Variants in ADCY2 observed in about 807,000 individuals in gnomAD.
ADCY2 encodes the protein adenylate cyclase type 2.
Under a neutral mutation model 125.2 loss-of-function variants are expected in ADCY2, and 31 were observed. That is an observed-to-expected ratio of 0.25 (90% CI 0.19 to 0.33). The LOEUF (loss-of-function observed/expected upper bound fraction) is 0.33. ADCY2 is among the 10% of genes least tolerant of loss of function. ADCY2 has a pLI of 1.00. For synonymous variants in ADCY2, 512 were observed against 548.4 expected (o/e 0.93, Z 0.93); for missense variants, 904 against 1,418.2 (o/e 0.64, Z 5.82).
chr5:7,639,404 C>T (rs1738617931), intron 4 of ADCY2, among the ~76,000 whole-genome samples: 1 of 152,186 alleles, frequency 6.6e-6, no homozygotes, highest in Admixed American at 6.5e-5. Context: ...AGGCTTAGGA[C>T]ACCTGTTGCT....
intron 4 of ADCY2, among the ~76,000 whole-genome samples, chr5:7,626,850 G>A (rs140913599): frequency 6.6e-6 from 1 of 152,206 alleles, no homozygotes; most frequent in Non-Finnish European, 1.5e-5. Flanking sequence ...ATTTCAACAT[G>A]AGATTTGGAG....
chr5:7,586,466 A>C (rs538802373), intron 3 of ADCY2, among the ~76,000 whole-genome samples: 10 of 152,276 alleles, frequency 6.6e-5, no homozygotes, highest in East Asian at 1.9e-4. Flanking sequence ...GTGCAGGCCT[A>C]TGTCGACACC....
At chr5:7,534,614 A>G (rs1291276054) in intron 3 of ADCY2, among the ~76,000 whole-genome samples, 1 of 152,224 alleles carries the variant, frequency 6.6e-6, no homozygotes, top group African/African-American at 2.4e-5. Flanking sequence ...GTAGAAGTTT[A>G]GCAGGTTTGA....
chr5:7,554,894 G>A (rs1182879932), intron 3 of ADCY2, among the ~76,000 whole-genome samples: 1 of 152,118 alleles, frequency 6.6e-6, no homozygotes, highest in African/African-American at 2.4e-5. Context: ...GTGAAGGAAC[G>A]GGAACTATGC....
chr5:7,397,037 C>T (rs1739077422), intron 1 of ADCY2, among the ~76,000 whole-genome samples: 1 of 152,218 alleles, frequency 6.6e-6, no homozygotes, highest in Non-Finnish European at 1.5e-5. Context: ...AAGTATACAT[C>T]TTTGCCTTTA....
intron 4 of ADCY2, among the ~76,000 whole-genome samples, chr5:7,634,018 A>G (rs927341986): frequency 6.6e-6 from 1 of 152,226 alleles, no homozygotes; most frequent in Non-Finnish European, 1.5e-5. Context: ...CATTCTTGTG[A>G]TATTTGTCAC....
intron 3 of ADCY2, among the ~76,000 whole-genome samples, chr5:7,536,303 C>A (rs1044677836): frequency 1.3e-5 from 2 of 152,172 alleles, no homozygotes; most frequent in Non-Finnish European, 2.9e-5. Context: ...ACCCTCAGAC[C>A]AATCGTGTAG....
intron 15 of ADCY2, among the ~76,000 whole-genome samples, chr5:7,755,285 G>C (rs534631127): frequency 6.6e-6 from 1 of 152,160 alleles, no homozygotes; most frequent in African/African-American, 2.4e-5. Context: ...GAAATGAGAC[G>C]AGGGCGCAGG....
intron 3 of ADCY2, among the ~76,000 whole-genome samples, chr5:7,581,295 TACAC>T (rs1225048784): frequency 6.6e-6 from 1 of 151,728 alleles, no homozygotes; most frequent in African/African-American, 2.4e-5. Context: ...AGTGTATGTG[TACAC>T]ACATACAAAC....
At chr5:7,803,755 C>T (rs1363872558) in intron 21 of ADCY2, among the ~76,000 whole-genome samples, 1 of 151,928 alleles carries the variant, frequency 6.6e-6, no homozygotes, top group Non-Finnish European at 1.5e-5. Flanking sequence ...TTTAAATTAG[C>T]TGCACATGGT....
intron 2 of ADCY2, among the ~76,000 whole-genome samples, chr5:7,441,269 T>C (rs941025697): frequency 3.9e-5 from 6 of 152,144 alleles, no homozygotes; most frequent in African/African-American, 1.2e-4. Flanking sequence ...CGGAATGGAA[T>C]TGCAGCAGCA....
intron 3 of ADCY2, among the ~76,000 whole-genome samples, chr5:7,541,866 A>G (rs1735006576): frequency 6.6e-6 from 1 of 152,234 alleles, no homozygotes; most frequent in Non-Finnish European, 1.5e-5. Flanking sequence ...AAGAAATAAT[A>G]TAAACTGAAG....
At chr5:7,812,202 C>A (rs1744966161) in intron 22 of ADCY2, among the ~76,000 whole-genome samples, 1 of 152,124 alleles carries the variant, frequency 6.6e-6, no homozygotes, top group Non-Finnish European at 1.5e-5. Flanking sequence ...TAGCTTAGGT[C>A]TCTGTGGAAA....
rs142088887 is a variant in ADCY2, at chr5:7,426,061, G to A, written c.408+11291G>A. On this transcript the variant is annotated intron_variant, in intron 2 of 24. Transcript: ENST00000338316. Reference sequence around the variant, plus strand: ...TCAGAGGCGAGGTAGTAAAGTCCCTGGAAGAGTTGCCAGAGATGAGGTGGA... The same window carrying A: ...TCAGAGGCGAGGTAGTAAAGTCCCTAGAAGAGTTGCCAGAGATGAGGTGGA... Among the ~76,000 whole-genome samples the A allele has an allele frequency of 1.1e-3, 169 of 152,216 alleles. 1 individual carries two copies. The highest frequency in any genetic ancestry group is 4.0e-3 in the African/African-American group (165 of 41,540).
At chr5:7,679,117 C>A (rs1017550212) in intron 4 of ADCY2, among the ~76,000 whole-genome samples, 6 of 152,220 alleles carry the variant, frequency 3.9e-5, no homozygotes, top group Non-Finnish European at 5.9e-5. Context: ...TGAATGTTGA[C>A]AGCTAACACA....
At chr5:7,489,030 A>G (rs1743052056) in intron 2 of ADCY2, among the ~76,000 whole-genome samples, 3 of 152,178 alleles carry the variant, frequency 2.0e-5, no homozygotes, top group Admixed American at 6.5e-5. Context: ...CCTTCTCCCC[A>G]GTTTACCATT....
At chr5:7,592,727 A>C (rs1736888654) in intron 3 of ADCY2, among the ~76,000 whole-genome samples, 1 of 152,242 alleles carries the variant, frequency 6.6e-6, no homozygotes, top group Non-Finnish European at 1.5e-5. Flanking sequence ...AAACATAAAC[A>C]GAGGAAAATT....
intron 20 of ADCY2, chr5:7,798,980 G>A (rs1002989499): frequency 6.6e-6 from 1 of 152,202 alleles, no homozygotes; most frequent in Admixed American, 6.5e-5. Context: ...CCAAGATGGG[G>A]AAGATCTAGC....
rs1183673387 is a variant in ADCY2, at chr5:7,706,836, G to A, written c.1202G>A (p.Trp401Ter). The A allele has an allele frequency of 6.2e-7, 1 of 1,614,232 alleles. No homozygotes were observed. The highest frequency in any genetic ancestry group is 1.7e-5 in the Admixed American group (1 of 60,034). ...VLCGVIGLQK[W>*]QYDVWSHDVT... ...TGTGGCGTGATTGGTCTGCAGAAGT[G>A]GCAATATGATGTGTGGTCACATGAT... Residue 401 changes from tryptophan (W) to a stop codon, truncating the protein, a stop_gained, in exon 8 of 25, where the codon TGG becomes TAG. Coordinates refer to ENST00000338316, the MANE Select transcript of ADCY2 (RefSeq NM_020546.3). LOFTEE classifies it high-confidence loss of function.
Sources: gnomAD v4.1 joint callset for allele counts (sites outside exome capture counted in the v4.1 genomes callset) on GRCh38, gnomAD v4.1.1 for gene constraint, MANE v1.5 for transcripts, NCBI Gene and HGNC (gene_info 2026-07-23, HGNC 2026-07-21) for gene names.